The following SUPT16H variants were observed in gnomAD, a reference collection of about 807,000 sequenced individuals.
SUPT16H encodes FACT complex subunit SPT16.
A neutral mutation model predicts 136.2 loss-of-function variants in SUPT16H; 24 were observed. The observed-to-expected ratio is 0.18, with a 90% CI of 0.13 to 0.25. The LOEUF (loss-of-function observed/expected upper bound fraction) is 0.25. Among genes scored for constraint, SUPT16H ranks in the 10% least tolerant of loss-of-function variants. The pLI, the probability that SUPT16H is intolerant of heterozygous loss-of-function variation, is 1.00. For synonymous variants in SUPT16H, 415 were observed against 428.2 expected (o/e 0.97, Z 0.38); for missense variants, 623 against 1,270.2 (o/e 0.49, Z 7.74).
chr14:21,369,947 A>T, intron 4 of SUPT16H, 51 bp from the exon 5 acceptor site: 1 of 1,592,880 alleles, frequency 6.3e-7, no homozygotes, highest in Non-Finnish European at 8.6e-7. Context: ...GAATTACAAA[A>T]TAAATGCATC....
chr14:21,383,250 CGTTTTGTTTT>C (rs954479781), intron 1 of SUPT16H: 11 of 214,146 alleles, frequency 5.1e-5, no homozygotes, highest in East Asian at 2.1e-4. Context: ...TTTTAGGCAT[CGTTTTGTTTT>C]GTTTTGTTAT....
chr14:21,368,430 T>C lies in SUPT16H; in HGVS notation c.794A>G (p.His265Arg), dbSNP rs1181332226. 6.2e-7 allele frequency: 1 copy of C among 1,608,376 alleles called. No homozygotes were observed. The highest frequency in any genetic ancestry group is 1.3e-5 in the African/African-American group (1 of 74,604). ...LKFSVVSDKN[H>R]MHFGAITCAM... ...ACAAGTGATAGCCCCAAAGTGCATATGATTCTTGTCACTAGAGACCAACAA... is the reference window on the plus strand; with the variant it reads ...ACAAGTGATAGCCCCAAAGTGCATACGATTCTTGTCACTAGAGACCAACAA... Residue 265 changes from histidine (H) to arginine (R), a missense_variant, in exon 7 of 26, where the codon CAT (histidine) becomes CGT (arginine). By Grantham distance (29) the His-to-Arg change is conservative. Coordinates refer to ENST00000216297, the MANE Select transcript of SUPT16H (RefSeq NM_007192.4).
chr14:21,364,594 C>T (rs1886625662), intron 10 of SUPT16H, among the ~76,000 whole-genome samples: 1 of 152,042 alleles, frequency 6.6e-6, no homozygotes, highest in South Asian at 2.1e-4. Context: ...GTATTAGTTC[C>T]TGATATTATC....
chr14:21,362,791 T>C lies in SUPT16H; in HGVS notation c.1665+3A>G. 3 of 1,600,042 alleles carry C rather than the reference T, an allele frequency of 1.9e-6. No individual in the cohort carries two copies. In the South Asian group the frequency reaches 3.4e-5, roughly 18 times the overall value. On this transcript the variant is annotated splice_donor_region_variant and intron_variant, in intron 14 of 25. Transcript: ENST00000216297. Reference sequence around the variant, plus strand: ...TGAAACCTGATGCACTGAATGTCAGTACCTTGATTGTGGCAATGTGAAACG... The same window carrying C: ...TGAAACCTGATGCACTGAATGTCAGCACCTTGATTGTGGCAATGTGAAACG...
chr14:21,368,133 G>A, intron 7 of SUPT16H, 136 bp downstream of exon 7: 1 of 818,654 alleles, frequency 1.2e-6, no homozygotes, highest in Admixed American at 2.6e-5. Flanking sequence ...TGCCCAGGCT[G>A]GTCTTGAACT....
At chr14:21,359,401 G>A (rs987286442) in intron 19 of SUPT16H, 83 bp downstream of exon 19, 1 of 1,551,950 alleles carries the variant, frequency 6.4e-7, no homozygotes, top group Non-Finnish European at 8.7e-7. Flanking sequence ...AGCCCAGTTT[G>A]TTTATAAAAT....
At chr14:21,370,544 GT>G in intron 3 of SUPT16H, 56 bp from the exon 4 acceptor site, 2 of 1,559,648 alleles carry the variant, frequency 1.3e-6, no homozygotes, top group Non-Finnish European at 1.8e-6. Context: ...CATTAGACAC[GT>G]TTTACCAGTA....
intron 8 of SUPT16H, among the ~76,000 whole-genome samples, chr14:21,365,485 A>G (rs1886645992): frequency 6.6e-6 from 1 of 152,230 alleles, no homozygotes; most frequent in South Asian, 2.1e-4. Context: ...TTACTAAGAC[A>G]GTAATTACTA....
At position 21,351,960 on chromosome 14, in the gene SUPT16H, A is replaced by G. The variant is rs8003160; in HGVS notation, c.*713T>C. ...GATATATCTTCCTTAGATATATGAG[A>G]AAAAAAAGAAGACAGTGGCAATTTT... On this transcript the variant is annotated 3_prime_UTR_variant, in exon 26 of 26. Coordinates refer to ENST00000216297, the MANE Select transcript of SUPT16H (RefSeq NM_007192.4). The G allele has an allele frequency of 6.9e-3, 1,046 of 152,630 alleles. 12 individuals are homozygous for G. Among genetic ancestry groups the G allele is most frequent in the African/African-American group, 0.023 (970 of 41,506 alleles). 9.5% of individuals were successfully genotyped at this position (152,630 alleles called of 1,614,324 possible).
chr14:21,353,941 G>A (rs1886375971), intron 23 of SUPT16H, 109 bp from the exon 24 acceptor site: 1 of 1,061,250 alleles, frequency 9.4e-7, no homozygotes, highest in Non-Finnish European at 1.3e-6. Context: ...GAAAACAAGA[G>A]CAAAATAATC....
At chr14:21,356,604 G>A (rs952459917) in intron 22 of SUPT16H, among the ~76,000 whole-genome samples, 1 of 152,132 alleles carries the variant, frequency 6.6e-6, no homozygotes, top group Non-Finnish European at 1.5e-5. Context: ...GCTGGGTGTG[G>A]TAGCACATGC....
chr14:21,383,966 C>G lies in SUPT16H; in HGVS notation c.-39G>C, dbSNP rs1887115118. 1.2e-6 allele frequency: 2 copies of G among 1,611,554 alleles called. No individual in the cohort carries two copies. Among genetic ancestry groups the G allele is most frequent in the East Asian group, 4.5e-5 (2 of 44,878 alleles). ...GCTTCTCCTCGGGTTCCGAGAATCACGCGAGGTCCCGGCTCAGCCACCCGC... is the reference window on the plus strand; with the variant it reads ...GCTTCTCCTCGGGTTCCGAGAATCAGGCGAGGTCCCGGCTCAGCCACCCGC... On this transcript the variant is annotated 5_prime_UTR_variant, in exon 1 of 26. Coordinates refer to ENST00000216297, the MANE Select transcript of SUPT16H (RefSeq NM_007192.4).
At chr14:21,361,614 C>A (rs1886558282) in intron 15 of SUPT16H, among the ~76,000 whole-genome samples, 1 of 151,994 alleles carries the variant, frequency 6.6e-6, no homozygotes, top group South Asian at 2.1e-4. Flanking sequence ...ACCATGCATG[C>A]CCATTCCTTC....
chr14:21,372,936 T>G (rs1416136533), intron 2 of SUPT16H, among the ~76,000 whole-genome samples: 2 of 152,144 alleles, frequency 1.3e-5, no homozygotes, highest in Non-Finnish European at 2.9e-5. Context: ...CTGATGGGAC[T>G]GAGAAATTGA....
intron 10 of SUPT16H, 87 bp from the exon 11 acceptor site, chr14:21,363,590 A>G: frequency 1.7e-6 from 2 of 1,161,330 alleles, no homozygotes; most frequent in Non-Finnish European, 2.5e-6. Flanking sequence ...AATGCTTTGA[A>G]TCTTTTGGAC....
chr14:21,367,308 T>G (rs1334170848), intron 7 of SUPT16H, among the ~76,000 whole-genome samples: 1 of 152,084 alleles, frequency 6.6e-6, no homozygotes, highest in African/African-American at 2.4e-5. Flanking sequence ...ACTTTAAGAG[T>G]TGATAAATGG....
intron 15 of SUPT16H, chr14:21,361,472 A>G (rs1886555569): frequency 2.1e-6 from 1 of 487,402 alleles, no homozygotes; most frequent in Non-Finnish European, 3.7e-6. Context: ...ACACACCACC[A>G]TGCCCGGCTA....
intron 1 of SUPT16H, among the ~76,000 whole-genome samples, chr14:21,381,461 G>T (rs943040134): frequency 6.6e-6 from 1 of 151,880 alleles, no homozygotes; most frequent in Non-Finnish European, 1.5e-5. Flanking sequence ...GAACTACCAG[G>T]TTCAACCACT....
chr14:21,353,400 G>T, intron 25 of SUPT16H, 88 bp downstream of exon 25: 3 of 1,289,590 alleles, frequency 2.3e-6, no homozygotes, highest in Non-Finnish European at 3.3e-6. Flanking sequence ...CTTTCATTAC[G>T]CCATCAATAC....
Sources: gnomAD v4.1 joint callset for allele counts (sites outside exome capture counted in the v4.1 genomes callset) on GRCh38, gnomAD v4.1.1 for gene constraint, MANE v1.5 for transcripts, NCBI Gene and HGNC (gene_info 2026-07-23, HGNC 2026-07-21) for gene names.